Variants in HMCN1 observed in about 807,000 individuals in gnomAD.
HMCN1 encodes hemicentin 1.
Under a neutral mutation model 625.9 loss-of-function variants are expected in HMCN1, and 321 were observed. The observed-to-expected ratio is 0.51, with a 90% CI of 0.47 to 0.56. HMCN1 has a LOEUF of 0.56. Ranked by LOEUF, HMCN1 falls within the 20% of genes least tolerant of loss-of-function variation. HMCN1 has a pLI of 0.00. For synonymous variants in HMCN1, 2,425 were observed against 2,417.6 expected (o/e 1.00, Z -0.09); for missense variants, 6,588 against 6,887.3 (o/e 0.96, Z 1.54).
chr1:185,819,221 G>A (rs1459011720), intron 1 of HMCN1, among the ~76,000 whole-genome samples: 1 of 145,590 alleles, frequency 6.9e-6, no homozygotes, highest in Non-Finnish European at 1.5e-5. Flanking sequence ...TGGGCAACAA[G>A]AGCGAATCTC....
At chr1:185,917,729 A>G (rs1571556316) in intron 6 of HMCN1, among the ~76,000 whole-genome samples, 1 of 152,198 alleles carries the variant, frequency 6.6e-6, no homozygotes, top group South Asian at 2.1e-4. Context: ...GGGACTTTCA[A>G]TGTAGGCAGG....
chr1:185,752,696 A>G (rs1347223722), intron 1 of HMCN1, among the ~76,000 whole-genome samples: 1 of 152,148 alleles, frequency 6.6e-6, no homozygotes, highest in Non-Finnish European at 1.5e-5. Flanking sequence ...TCTTTCTCAT[A>G]GTAAAATATT....
At chr1:186,122,326 A>G (rs576510462) in intron 80 of HMCN1, among the ~76,000 whole-genome samples, 1 of 152,320 alleles carries the variant, frequency 6.6e-6, no homozygotes, top group South Asian at 2.1e-4. Context: ...TTACAACTGA[A>G]TAGAATATCC....
At chr1:186,001,552 T>A in intron 27 of HMCN1, 42 bp from the exon 28 acceptor site, 1 of 1,610,728 alleles carries the variant, frequency 6.2e-7, no homozygotes, top group Non-Finnish European at 8.5e-7. Context: ...TATGCATTTT[T>A]ATTAGGATTG....
chr1:185,853,103 CATATTT>C, intron 2 of HMCN1, among the ~76,000 whole-genome samples: 1 of 152,064 alleles, frequency 6.6e-6, no homozygotes, highest in African/African-American at 2.4e-5. Context: ...ATCAAGTTAA[CATATTT>C]ATTTATATAA....
intron 1 of HMCN1, among the ~76,000 whole-genome samples, chr1:185,808,729 A>G (rs2102240684): frequency 6.6e-6 from 1 of 152,266 alleles, no homozygotes; most frequent in Middle Eastern, 3.4e-3. Context: ...AGTGTATTCT[A>G]CTTCCTTTTC....
At chr1:185,899,127 T>C (rs1416051572) in intron 4 of HMCN1, among the ~76,000 whole-genome samples, 1 of 152,140 alleles carries the variant, frequency 6.6e-6, no homozygotes, top group African/African-American at 2.4e-5. Context: ...TAAGCTATGA[T>C]AGACCATTAT....
chr1:186,071,522 C>T (rs1402580028), intron 52 of HMCN1, among the ~76,000 whole-genome samples: 1 of 152,182 alleles, frequency 6.6e-6, no homozygotes, highest in Non-Finnish European at 1.5e-5. Flanking sequence ...GTACTTAATA[C>T]AGATGTGAAA....
rs1652261439 is a variant in HMCN1 at position 186,172,001 on chromosome 1, T to C, written c.15689-5T>C. On this transcript the variant is annotated splice_region_variant and splice_polypyrimidine_tract_variant and intron_variant, in intron 101 of 106. Coordinates refer to ENST00000271588, the MANE Select transcript of HMCN1 (RefSeq NM_031935.3). ...AATCTACATTACCTTTGTTCTTTTA[T>C]CAAGATGTGAACGAGTGTAGACAAA... 1.2e-6 allele frequency: 2 copies of C among 1,612,966 alleles called. No homozygotes were observed. Among genetic ancestry groups the C allele is most frequent in the Non-Finnish European group, 1.7e-6 (2 of 1,179,266 alleles).
At chr1:186,086,776 AGATAGATAGATAGATAGAT>A (rs1244373818) in intron 58 of HMCN1, among the ~76,000 whole-genome samples, 53 of 122,046 alleles carry the variant, frequency 4.3e-4, no homozygotes, top group African/African-American at 1.2e-3. Flanking sequence ...ATAGATAGGT[AGATAGATAGATAGATAGAT>A]GATAGATAGA....
intron 95 of HMCN1, 71 bp from the exon 96 acceptor site, chr1:186,152,679 A>C: frequency 1.3e-6 from 2 of 1,591,146 alleles, no homozygotes; most frequent in Non-Finnish European, 1.7e-6. Context: ...CTGGTATGTA[A>C]GGTAAATCTG....
intron 54 of HMCN1, among the ~76,000 whole-genome samples, chr1:186,077,775 A>G (rs1658921386): frequency 6.6e-6 from 1 of 152,200 alleles, no homozygotes; most frequent in South Asian, 2.1e-4. Flanking sequence ...AACTTCTATT[A>G]AAAGTGTTCA....
At chr1:185,984,111 T>G in intron 18 of HMCN1, 58 bp from the exon 19 acceptor site, 1 of 1,444,522 alleles carries the variant, frequency 6.9e-7, no homozygotes, top group Non-Finnish European at 9.6e-7. Context: ...CAGGTTCATT[T>G]TTGACTCTCA....
At chr1:186,058,615 G>T (rs1657498094) in intron 46 of HMCN1, among the ~76,000 whole-genome samples, 1 of 151,724 alleles carries the variant, frequency 6.6e-6, no homozygotes, top group African/African-American at 2.4e-5. Flanking sequence ...TTTTTTTCTA[G>T]TTCCAGAGGT....
chr1:185,928,736 A>G, intron 10 of HMCN1, 69 bp downstream of exon 10: 1 of 1,519,110 alleles, frequency 6.6e-7, no homozygotes, highest in South Asian at 1.1e-5. Context: ...ATGTTTGTTA[A>G]CCAGTTTGTG....
chr1:185,750,989 C>T (rs1654776196), intron 1 of HMCN1, among the ~76,000 whole-genome samples: 1 of 152,082 alleles, frequency 6.6e-6, no homozygotes, highest in African/African-American at 2.4e-5. Context: ...TTCTGATCAC[C>T]TTCCTCCTAC....
intron 2 of HMCN1, among the ~76,000 whole-genome samples, chr1:185,864,070 G>A (rs1436891333): frequency 6.6e-6 from 1 of 152,158 alleles, no homozygotes; most frequent in African/African-American, 2.4e-5. Flanking sequence ...TGGGTTAACA[G>A]GTATTGTGGT....
chr1:185,811,587 C>T (rs1055532740), intron 1 of HMCN1, among the ~76,000 whole-genome samples: 10 of 151,670 alleles, frequency 6.6e-5, no homozygotes, highest in African/African-American at 2.2e-4. Flanking sequence ...CAGAGCAAGA[C>T]CCTGTCTCTT....
Position 186,088,310 on chromosome 1 carries a change from G to T in HMCN1, c.9577+34G>T, listed in dbSNP as rs775981763. 8.3e-5 allele frequency: 133 copies of T among 1,608,910 alleles called. 1 individual carries two copies. The highest frequency in any genetic ancestry group is 1.0e-4 in the Non-Finnish European group (120 of 1,177,084). On this transcript the variant is annotated intron_variant, in intron 62 of 106. Coordinates refer to ENST00000271588, the MANE Select transcript of HMCN1 (RefSeq NM_031935.3). ...ACCATGCATTTTTGTGTGTGTGTGT[G>T]TTTTTTTCTCTTGCTCTTAATTCAC...
Sources: gnomAD v4.1 joint callset for allele counts (sites outside exome capture counted in the v4.1 genomes callset) on GRCh38, gnomAD v4.1.1 for gene constraint, MANE v1.5 for transcripts, NCBI Gene and HGNC (gene_info 2026-07-23, HGNC 2026-07-21) for gene names.